The following KHDRBS3 variants were observed in gnomAD, a reference collection of about 807,000 sequenced individuals.
The protein encoded by KHDRBS3 is KH RNA binding domain containing, signal transduction associated 3.
A neutral mutation model predicts 45.6 loss-of-function variants in KHDRBS3; 23 were observed. The ratio of observed to expected loss-of-function variants is 0.50; its 90% confidence interval spans 0.36 to 0.72. KHDRBS3 has a LOEUF of 0.72. Ranked by LOEUF, KHDRBS3 falls within the 30% of genes least tolerant of loss-of-function variation. The pLI is 0.00. For synonymous variants in KHDRBS3, 162 were observed against 156.5 expected (o/e 1.04, Z -0.26); for missense variants, 352 against 424.8 (o/e 0.83, Z 1.51).
At chr8:135,473,315 G>A (rs992731195) in intron 1 of KHDRBS3, among the ~76,000 whole-genome samples, 10 of 152,086 alleles carry the variant, frequency 6.6e-5, no homozygotes, top group South Asian at 2.1e-4. Flanking sequence ...TAGACGACGC[G>A]CTTTGTGGCT....
In KHDRBS3 at chr8:135,517,755, G is replaced by A. The variant is rs371906235; in HGVS notation, c.89-3482G>A. Among the ~76,000 whole-genome samples the A allele has an allele frequency of 7.9e-5, 12 of 152,116 alleles. 1 individual carries two copies. In the East Asian group the frequency reaches 1.7e-3, roughly 22 times the overall value. On this transcript the variant is annotated intron_variant, in intron 1 of 8. Transcript: ENST00000355849. ...GGGGCTCAGGGCTCTTTGCATTGTT[G>A]TGTGGTGCTTTAGGCTTGTTAAATG... is the stretch of plus-strand genomic sequence containing the variant.
intron 1 of KHDRBS3, among the ~76,000 whole-genome samples, chr8:135,470,555 C>T (rs77414580): frequency 0.021 from 3,145 of 151,314 alleles, 43 homozygotes; most frequent in Middle Eastern, 0.041. Context: ...CCTTTTTCCC[C>T]CTTGGTCAGG....
intron 1 of KHDRBS3, among the ~76,000 whole-genome samples, chr8:135,489,191 C>T (rs980198187): frequency 6.6e-6 from 1 of 152,104 alleles, no homozygotes; most frequent in Non-Finnish European, 1.5e-5. Flanking sequence ...CAACTCCTTT[C>T]AAAGTTTGCC....
chr8:135,561,976 A>C (rs139811737), intron 5 of KHDRBS3, among the ~76,000 whole-genome samples: 1 of 152,288 alleles, frequency 6.6e-6, no homozygotes, highest in Admixed American at 6.5e-5. Flanking sequence ...AGAGTCAAAA[A>C]GTTTAAAAAA....
rs59502823 is a variant in KHDRBS3 at position 135,515,365 on chromosome 8, T to TAAAAAAAAAAAAAAAAAA, written c.89-5852_89-5835dup. Among the ~76,000 whole-genome samples, 23 of 39,736 alleles carry TAAAAAAAAAAAAAAAAAA rather than the reference T, an allele frequency of 5.8e-4. 1 individual carries two copies. Among genetic ancestry groups the TAAAAAAAAAAAAAAAAAA allele is most frequent in the Admixed American group, 1.3e-3 (3 of 2,344 alleles). The allele number at this position is 39,736 out of a possible 152,430, so 26.1% of individuals were successfully genotyped here. On this transcript the variant is annotated intron_variant, in intron 1 of 8. Transcript: ENST00000355849. ...TGGGCGACAGAGCGAGACTCCGTCTTAAAAAAAAAAAAAAAAAAAAAAAAA... is the reference window on the plus strand; with the variant it reads ...TGGGCGACAGAGCGAGACTCCGTCTTAAAAAAAAAAAAAAAAAAAAAAAAAAAAAAAAAAAAAAAAAAA...
intron 7 of KHDRBS3, among the ~76,000 whole-genome samples, chr8:135,607,999 G>A (rs1196176745): frequency 6.6e-6 from 1 of 152,114 alleles, no homozygotes; most frequent in African/African-American, 2.4e-5. Flanking sequence ...CTTTGTTGGT[G>A]GAAGCCTGTA....
intron 3 of KHDRBS3, among the ~76,000 whole-genome samples, chr8:135,547,553 C>CT (rs1170563349): frequency 6.6e-6 from 1 of 152,186 alleles, no homozygotes; most frequent in African/African-American, 2.4e-5. Flanking sequence ...ATTTCCCGCT[C>CT]TGTGTATTAG....
intron 1 of KHDRBS3, chr8:135,458,655 A>G (rs1017778429): frequency 5.6e-6 from 2 of 354,634 alleles, no homozygotes; most frequent in Non-Finnish European, 5.5e-6. Context: ...GTAGGGGAGA[A>G]GAGGCCGGCA....
At chr8:135,619,596 G>A (rs1242187610) in intron 7 of KHDRBS3, among the ~76,000 whole-genome samples, 1 of 152,230 alleles carries the variant, frequency 6.6e-6, no homozygotes, top group Non-Finnish European at 1.5e-5. Flanking sequence ...TTGTTGTAAA[G>A]TTAAGCGAAA....
chr8:135,579,615 G>C (rs1483919294), intron 5 of KHDRBS3, among the ~76,000 whole-genome samples: 1 of 152,206 alleles, frequency 6.6e-6, no homozygotes, highest in East Asian at 1.9e-4. Context: ...GGGATTACAG[G>C]TGTGAGCCAC....
At chr8:135,645,031 TC>T in intron 7 of KHDRBS3, 27 bp from the exon 8 acceptor site, 1 of 1,609,898 alleles carries the variant, frequency 6.2e-7, no homozygotes, top group Non-Finnish European at 8.5e-7. Context: ...GATGATTTTG[TC>T]CTTTGTTTTG....
intron 1 of KHDRBS3, among the ~76,000 whole-genome samples, chr8:135,477,222 A>G (rs1416018468): frequency 6.6e-6 from 1 of 152,180 alleles, no homozygotes; most frequent in Non-Finnish European, 1.5e-5. Context: ...TTTTGTAGAT[A>G]ATAAAACTAA....
intron 1 of KHDRBS3, among the ~76,000 whole-genome samples, chr8:135,512,313 G>C (rs184742930): frequency 6.8e-4 from 103 of 150,554 alleles, no homozygotes; most frequent in Non-Finnish European, 1.2e-3. Context: ...GTACTATTTT[G>C]AAATCGATTT....
chr8:135,504,581 G>A (rs548434119), intron 1 of KHDRBS3, among the ~76,000 whole-genome samples: 1 of 152,300 alleles, frequency 6.6e-6, no homozygotes, highest in Non-Finnish European at 1.5e-5. Context: ...TCTTGGAATA[G>A]CAAATGTTTT....
chr8:135,601,725 T>G (rs965522449), intron 6 of KHDRBS3, among the ~76,000 whole-genome samples: 1 of 152,230 alleles, frequency 6.6e-6, no homozygotes, highest in Non-Finnish European at 1.5e-5. Flanking sequence ...GCAAGCTTTT[T>G]AAGAGTAGAT....
chr8:135,608,151 A>G (rs953763317), intron 7 of KHDRBS3, among the ~76,000 whole-genome samples: 16 of 152,172 alleles, frequency 1.1e-4, no homozygotes, highest in Admixed American at 1.0e-3. Flanking sequence ...AGTATATGCC[A>G]TTGTTTTCAT....
At chr8:135,625,343 T>C in intron 7 of KHDRBS3, 1 of 966,038 alleles carries the variant, frequency 1.0e-6, no homozygotes, top group Middle Eastern at 2.1e-4. Context: ...GAAGTAGAAA[T>C]CCCTCTCTTT....
chr8:135,482,273 A>G (rs1013510974), intron 1 of KHDRBS3, among the ~76,000 whole-genome samples: 2 of 152,226 alleles, frequency 1.3e-5, no homozygotes, highest in African/African-American at 4.8e-5. Context: ...GTCCATAGGC[A>G]GAAAGAAAAA....
Position 135,615,530 on chromosome 8 carries a change from C to G in KHDRBS3, c.890+8493C>G, listed in dbSNP as rs187174591. ...CAAGGTCCATTTTCATTCCATTATA[C>G]TAGTGTTTTTCAAAGAGTAGTACCC... is the stretch of plus-strand genomic sequence containing the variant. On this transcript the variant is annotated intron_variant, in intron 7 of 8. Transcript: ENST00000355849. Among the ~76,000 whole-genome samples the G allele has an allele frequency of 2.2e-3, 335 of 152,194 alleles. 1 individual carries two copies. The highest frequency in any genetic ancestry group is 3.2e-3 in the Non-Finnish European group (215 of 68,004).
Sources: allele counts gnomAD v4.1 joint callset (sites outside exome capture counted in the v4.1 genomes callset), GRCh38; gene constraint gnomAD v4.1.1; transcripts MANE v1.5; gene names NCBI Gene and HGNC (gene_info 2026-07-23, HGNC 2026-07-21).